The following RPTOR variants were observed in gnomAD, a reference collection of about 807,000 sequenced individuals.
RPTOR encodes regulatory associated protein of MTOR complex 1, also known as regulatory-associated protein of mTOR.
A neutral mutation model predicts 169.9 loss-of-function variants in RPTOR; 21 were observed. The ratio of observed to expected loss-of-function variants is 0.12; its 90% CI spans 0.09 to 0.18. The LOEUF (loss-of-function observed/expected upper bound fraction) is 0.18, where lower values mean the gene tolerates loss of function less well. Ranked by LOEUF, RPTOR falls within the 10% of genes least tolerant of loss-of-function variation. The pLI is 1.00. For missense variants in RPTOR, 1,133 were observed against 1,855.9 expected, an observed-to-expected ratio of 0.61 and a Z score of 7.16; for synonymous variants, 732 against 753.2, an observed-to-expected ratio of 0.97 and a Z score of 0.46.
chr17:80,945,765 G>A lies in RPTOR; in HGVS notation c.3124G>A (p.Asp1042Asn), dbSNP rs1307148616. 7.5e-6 allele frequency: 12 copies of A among 1,609,352 alleles called. No homozygotes were observed. Among genetic ancestry groups the A allele is most frequent in the African/African-American group, 1.3e-5 (1 of 74,358 alleles). The change falls in exon 26 of 34, where the codon GAC (aspartate) becomes AAC (asparagine). Residue 1042 changes from aspartate to asparagine, a missense_variant. Around this residue, in one of 9 missense-constraint regions of RPTOR, gnomAD observed 410 missense variants for 623.7 expected, o/e 0.66. Coordinates refer to ENST00000306801, the MANE Select transcript of RPTOR (RefSeq NM_020761.3). ...CTTCACGCCGTGCATCGCCGTAGCCGACAAGGACAGCATCTGGTATGCACC... is the reference window on the plus strand; with the variant it reads ...CTTCACGCCGTGCATCGCCGTAGCCAACAAGGACAGCATCTGGTATGCACC... ...HPFTPCIAVA[D>N]KDSICFWDWE...
chr17:80,879,379 C>T (rs1470518005), intron 13 of RPTOR, among the ~76,000 whole-genome samples: 1 of 149,534 alleles, frequency 6.7e-6, no homozygotes, highest in East Asian at 2.0e-4. Context: ...CCTGCTTGCC[C>T]TTCCCCTGCC....
In RPTOR at chr17:80,721,465, C is replaced by T. The variant is rs2066285787; in HGVS notation, c.508-9095C>T. Among the ~76,000 whole-genome samples the T allele has an allele frequency of 6.6e-6, 1 of 151,430 alleles. No homozygotes were observed. The highest frequency in any genetic ancestry group is 1.5e-5 in the Non-Finnish European group (1 of 68,034). On this transcript the variant is annotated intron_variant, in intron 4 of 33. Transcript: ENST00000306801. This position sits in a 1 kb window ranked among gnomAD's most constrained non-coding sequence, Gnocchi z 4.7. ...AGCAGCAGAAGCCATGCTGGCTCTT[C>T]CTGCTGCGTGTGCATCTGGCCCTGG...
intron 3 of RPTOR, among the ~76,000 whole-genome samples, chr17:80,690,569 T>TC (rs760246577): frequency 4.8e-4 from 73 of 151,788 alleles, no homozygotes; most frequent in Non-Finnish European, 9.6e-4. Context: ...CAGTGGCTTC[T>TC]CCCCCCTTGC....
chr17:80,665,421 TC>T (rs2065762258), intron 3 of RPTOR, among the ~76,000 whole-genome samples: 1 of 11,976 alleles, frequency 8.4e-5, no homozygotes, highest in African/African-American at 9.7e-4. Context: ...TCCTTTCCTT[TC>T]CTTTCCTTTC....
Position 80,893,848 on chromosome 17 carries a change from C to T in RPTOR, c.2384C>T (p.Ser795Phe). Residue 795 changes from serine (S) to phenylalanine (F), a missense_variant, in exon 20 of 34, where the codon TCC (serine) becomes TTC (phenylalanine). Coordinates refer to ENST00000306801, the MANE Select transcript of RPTOR (RefSeq NM_020761.3). Reference protein sequence around the residue: ...DKMRRASSYSSLNSLIGVSFN... With the variant: ...DKMRRASSYSFLNSLIGVSFN... Reference sequence around the variant, plus strand: ...ATGCGCCGCGCCAGCTCCTACTCCTCCCTCAACTCCCTCATCGGTGAGTCC... The same window carrying T: ...ATGCGCCGCGCCAGCTCCTACTCCTTCCTCAACTCCCTCATCGGTGAGTCC... 1 of 1,521,338 alleles carries T rather than the reference C, an allele frequency of 6.6e-7. No homozygotes were observed. The highest frequency in any genetic ancestry group is 8.8e-7 in the Non-Finnish European group (1 of 1,132,944). The allele number at this position is 1,521,338 out of a possible 1,614,324, so 94.2% of individuals were successfully genotyped here. A position where few individuals can be genotyped will look rare whatever the true frequency, so the allele number is the denominator to read the frequency against.
chr17:80,677,666 A>G (rs960011920), intron 3 of RPTOR, among the ~76,000 whole-genome samples: 4 of 152,016 alleles, frequency 2.6e-5, no homozygotes, highest in African/African-American at 9.7e-5. Context: ...CTCTTCCTCA[A>G]CTTGTTAAAT....
chr17:80,903,212 G>A (rs980266119), intron 20 of RPTOR, among the ~76,000 whole-genome samples: 1 of 152,242 alleles, frequency 6.6e-6, no homozygotes, highest in Non-Finnish European at 1.5e-5. Flanking sequence ...GGAGGAGCTG[G>A]GGGCCCTGGC....
intron 20 of RPTOR, among the ~76,000 whole-genome samples, chr17:80,896,499 C>A (rs111264349): frequency 0.62 from 55,165 of 89,152 alleles, 16,982 homozygotes; most frequent in Non-Finnish European, 0.69. Context: ...CCGACACACC[C>A]CACGGCCGCA....
At chr17:80,626,393 A>G (rs2065394543) in intron 2 of RPTOR, among the ~76,000 whole-genome samples, 1 of 152,104 alleles carries the variant, frequency 6.6e-6, no homozygotes, top group African/African-American at 2.4e-5. Context: ...TGTCTGGCAC[A>G]CATAGTATCT....
chr17:80,567,183 C>G (rs1031483051), intron 1 of RPTOR, among the ~76,000 whole-genome samples: 22 of 152,000 alleles, frequency 1.4e-4, no homozygotes, highest in African/African-American at 4.6e-4. Flanking sequence ...GTTGGCCAGG[C>G]TGGTCTTGAA....
intron 2 of RPTOR, among the ~76,000 whole-genome samples, chr17:80,636,628 A>G (rs1407162586): frequency 2.0e-5 from 3 of 152,056 alleles, no homozygotes; most frequent in African/African-American, 7.2e-5. Context: ...ATACTACCAC[A>G]TTGGGCTTCC....
chr17:80,883,577 A>G (rs1598376504), intron 15 of RPTOR, 93 bp downstream of exon 15: 12 of 818,418 alleles, frequency 1.5e-5, no homozygotes, highest in Non-Finnish European at 2.0e-5. Context: ...CATGGGGGAC[A>G]GGGGGTGTCC....
rs576216232 is a variant in RPTOR at position 80,936,222 on chromosome 17, C to T, written c.2920-4274C>T. Among the ~76,000 whole-genome samples, 47 of 152,316 alleles carry T rather than the reference C, an allele frequency of 3.1e-4. No individual in the cohort carries two copies. Among genetic ancestry groups the T allele is most frequent in the African/African-American group, 1.0e-3 (43 of 41,574 alleles). ...ATCTACCAAGTGTTGGCAAGGGACA[C>T]GGAGCATCTGAAACCCTCATTCTTG... On this transcript the variant is annotated intron_variant, in intron 24 of 33. Coordinates refer to ENST00000306801, the MANE Select transcript of RPTOR (RefSeq NM_020761.3). The surrounding 1 kb of genome is among the most constrained non-coding windows in gnomAD (Gnocchi z 4.1).
chr17:80,788,378 G>A (rs186140782), intron 6 of RPTOR, among the ~76,000 whole-genome samples: 294 of 152,244 alleles, frequency 1.9e-3, no homozygotes, highest in African/African-American at 6.6e-3. Context: ...AACCCAGGAG[G>A]CAGAGGTTGC....
intron 5 of RPTOR, among the ~76,000 whole-genome samples, chr17:80,743,127 G>A (rs969851509): frequency 2.6e-5 from 4 of 152,156 alleles, no homozygotes; most frequent in Non-Finnish European, 5.9e-5. Context: ...TCTTACTAGT[G>A]TCTCCAGCTT....
At chr17:80,937,045 G>A (rs1368750307) in intron 24 of RPTOR, among the ~76,000 whole-genome samples, 1 of 152,206 alleles carries the variant, frequency 6.6e-6, no homozygotes, top group East Asian at 1.9e-4. Context: ...TTGTTCAGTG[G>A]GGAGGGGATA....
At chr17:80,912,095 T>C (rs1487814210) in intron 21 of RPTOR, among the ~76,000 whole-genome samples, 1 of 152,226 alleles carries the variant, frequency 6.6e-6, no homozygotes, top group African/African-American at 2.4e-5. Context: ...ACTTTTAGTT[T>C]AAGATTTCAA....
At chr17:80,853,496 G>T (rs1325741311) in intron 11 of RPTOR, among the ~76,000 whole-genome samples, 1 of 152,152 alleles carries the variant, frequency 6.6e-6, no homozygotes, top group Non-Finnish European at 1.5e-5. Flanking sequence ...CCACATGAAG[G>T]ATGGGTGAGG....
chr17:80,820,734 C>G lies in RPTOR; in HGVS notation c.891-1467C>G, dbSNP rs1041530589. On this transcript the variant is annotated intron_variant, in intron 7 of 33. Transcript: ENST00000306801. The surrounding 1 kb of genome is among the most constrained non-coding windows in gnomAD (Gnocchi z 4.1). ...TGGGGAGAAGGAGGAGGGGCTGAGA[C>G]GAGTCTCTGCTGTCCTTGTGCCGTG... 6.6e-6 allele frequency among the ~76,000 whole-genome samples: 1 copy of G among 152,150 alleles called. No homozygotes were observed. Among genetic ancestry groups the G allele is most frequent in the Admixed American group, 6.5e-5 (1 of 15,276 alleles).
Sources: gnomAD v4.1 joint callset for allele counts (sites outside exome capture counted in the v4.1 genomes callset) on GRCh38, gnomAD v4.1.1 for gene constraint, gnomAD v4.1.1 regional missense constraint, Gnocchi (gnomAD v3.1) non-coding constraint, MANE v1.5 for transcripts, NCBI Gene and HGNC (gene_info 2026-07-23, HGNC 2026-07-21) for gene names.